Variants in AKT3 observed in about 807,000 individuals in gnomAD.
The protein encoded by AKT3 is RAC-gamma serine/threonine-protein kinase.
In AKT3, 15 loss-of-function variants were observed where a neutral mutation model predicts 65.3. The ratio of observed to expected loss-of-function variants is 0.23; its 90% confidence interval spans 0.15 to 0.35. The LOEUF (loss-of-function observed/expected upper bound fraction) is 0.35, where lower values mean the gene tolerates loss of function less well. AKT3 is among the 10% of genes least tolerant of loss of function. AKT3 has a pLI of 1.00. For missense variants in AKT3, 243 were observed against 576.5 expected (o/e 0.42, Z 5.92); for synonymous variants, 206 against 183.8 (o/e 1.12, Z -0.98).
At chr1:243,499,603 CA>C, downstream of AKT3, 1 of 705,440 alleles carries the variant, frequency 1.4e-6, no homozygotes. Flanking sequence ...AGATGAGGCA[CA>C]AACTTTTCAT....
At chr1:243,715,804 G>GA (rs1031452985) in intron 2 of AKT3, among the ~76,000 whole-genome samples, 9 of 151,294 alleles carry the variant, frequency 5.9e-5, no homozygotes, top group African/African-American at 1.9e-4. Context: ...TCTTAGTGGA[G>GA]AAAAAAAAAT....
intron 2 of AKT3, among the ~76,000 whole-genome samples, chr1:243,707,402 G>A (rs1198630877): frequency 6.6e-6 from 1 of 152,040 alleles, no homozygotes; most frequent in African/African-American, 2.4e-5. Flanking sequence ...TGTCGCTTAT[G>A]TTTAACTCAT....
chr1:243,718,449 CTGTTT>C lies in AKT3; in HGVS notation c.47-22738_47-22734del, dbSNP rs200678273. 6.6e-5 allele frequency among the ~76,000 whole-genome samples: 10 copies of C among 151,864 alleles called. No individual in the cohort carries two copies. The East Asian group carries it at 9.7e-4, about 15-fold the overall frequency. On this transcript the variant is annotated intron_variant, in intron 2 of 13. Coordinates refer to ENST00000673466, the MANE Select transcript of AKT3 (RefSeq NM_005465.7). ...AAGCCACAAACATTTTACCTATCTA[CTGTTT>C]TGTTTTGTTTTTTTTCAGACAGTCT...
At position 243,653,381 on chromosome 1, in the gene AKT3, G is replaced by GA. The variant is rs546919521; in HGVS notation, c.285-7345dup. ...AGCCTACCAACCACAAAAAGTCCAG[G>GA]ACCAGATGGATTCACAGCTGAATTC... On this transcript the variant is annotated intron_variant, in intron 4 of 13. Transcript: ENST00000673466. Among the ~76,000 whole-genome samples, 500 of 152,244 alleles carry GA rather than the reference G, an allele frequency of 3.3e-3. 4 individuals carry two copies. The highest frequency in any genetic ancestry group is 0.012 in the African/African-American group (495 of 41,548).
chr1:243,705,581 C>G (rs987912399), intron 2 of AKT3, among the ~76,000 whole-genome samples: 2 of 152,006 alleles, frequency 1.3e-5, no homozygotes, highest in African/African-American at 2.4e-5. Context: ...AGTTACAGTA[C>G]CCAGTTTTAC....
intron 2 of AKT3, among the ~76,000 whole-genome samples, chr1:243,829,690 G>C (rs1421185587): frequency 6.6e-6 from 1 of 152,102 alleles, no homozygotes; most frequent in Non-Finnish European, 1.5e-5. Context: ...GCAAAAACTA[G>C]AAAGAGTAAC....
At chr1:243,850,353 G>T (rs1695726047), upstream of AKT3, among the ~76,000 whole-genome samples, 1 of 151,174 alleles carries the variant, frequency 6.6e-6, no homozygotes, top group Non-Finnish European at 1.5e-5. Flanking sequence ...GCGGCGGCGG[G>T]GAGAGGAGGA....
chr1:243,508,785 C>T (rs1028812961), intron 13 of AKT3, among the ~76,000 whole-genome samples: 1 of 151,718 alleles, frequency 6.6e-6, no homozygotes, highest in Non-Finnish European at 1.5e-5. Context: ...CCTGCCTCAG[C>T]CTCCCGAGTG....
At chr1:243,818,582 A>G (rs1693668862) in intron 2 of AKT3, among the ~76,000 whole-genome samples, 1 of 152,216 alleles carries the variant, frequency 6.6e-6, no homozygotes, top group South Asian at 2.1e-4. Flanking sequence ...TAAATATAGT[A>G]TCTCTAACTG....
rs368355857 is a variant in AKT3, at chr1:243,664,426, G to C, written c.284+346C>G. Among the ~76,000 whole-genome samples the C allele has an allele frequency of 1.5e-4, 22 of 151,432 alleles. No individual in the cohort carries two copies. The East Asian group carries it at 4.1e-3, about 28-fold the overall frequency. Reference sequence around the variant, plus strand: ...TCACCTTGTCAGCCAGGATAGTCTCGATCTCCTGACCTTGTGATCCACCTG... The same window carrying C: ...TCACCTTGTCAGCCAGGATAGTCTCCATCTCCTGACCTTGTGATCCACCTG... On this transcript the variant is annotated intron_variant, in intron 4 of 13. Transcript: ENST00000673466.
At position 243,703,169 on chromosome 1, in the gene AKT3, AAAG is replaced by A. The variant is rs1489823732; in HGVS notation, c.47-7456_47-7454del. The A allele has an allele frequency of 3.8e-4, 58 of 152,320 alleles. 1 individual carries two copies. The highest frequency in any genetic ancestry group is 1.3e-3 in the African/African-American group (54 of 41,580). 9.4% of individuals were successfully genotyped at this position (152,320 alleles called of 1,614,324 possible). A position where few individuals can be genotyped will look rare whatever the true frequency, so the allele number is the denominator to read the frequency against. On this transcript the variant is annotated intron_variant, in intron 2 of 13. Transcript: ENST00000673466. The stretch of plus-strand genomic sequence containing the variant: ...CAAATTTTCACATATGAACTACCTA[AAAG>A]AATATGGCAAAATCTTTTCTACTAA...
At chr1:243,695,402 T>C (rs1027606974) in intron 3 of AKT3, among the ~76,000 whole-genome samples, 189 bp downstream of exon 3, 1 of 151,962 alleles carries the variant, frequency 6.6e-6, no homozygotes, top group Non-Finnish European at 1.5e-5. Context: ...CTCTATTGCA[T>C]TGTATAAGAC....
At chr1:243,649,668 G>C (rs1046243506) in intron 4 of AKT3, among the ~76,000 whole-genome samples, 5 of 152,126 alleles carry the variant, frequency 3.3e-5, no homozygotes, top group African/African-American at 1.2e-4. Flanking sequence ...GGGATGTTTG[G>C]TTTTCTATTC....
rs749347952 is a variant in AKT3, at chr1:243,505,304, T to C, written c.1385A>G (p.Asn462Ser). ...TTGAGGGAAATGCGGCCGCCTCTCA[T>C]TGTCCATGCAGTCCATACCATCCTC... ...YDEDGMDCMDNERRPHFPQFS... is the reference protein window; with the variant it reads ...YDEDGMDCMDSERRPHFPQFS... The change falls in exon 14 of 14, where the codon AAT becomes AGT. Residue 462 changes from asparagine to serine, a missense_variant. Physicochemically the swap from Asn to Ser is conservative, Grantham distance 46 (BLOSUM62 1). This residue lies in a region of AKT3 where 57 missense variants were observed against 107.6 expected (regional missense o/e 0.53). Coordinates refer to ENST00000673466, the MANE Select transcript of AKT3 (RefSeq NM_005465.7). 6.2e-7 allele frequency: 1 copy of C among 1,614,182 alleles called. No individual in the cohort carries two copies. Among genetic ancestry groups the C allele is most frequent in the Non-Finnish European group, 8.5e-7 (1 of 1,180,022 alleles).
intron 12 of AKT3, among the ~76,000 whole-genome samples, chr1:243,514,185 C>T (rs1670198094): frequency 6.6e-6 from 1 of 152,120 alleles, no homozygotes; most frequent in African/African-American, 2.4e-5. Context: ...TGGCTGGAAT[C>T]GGCTTCTCTT....
At position 243,812,165 on chromosome 1, in the gene AKT3, A is replaced by G. The variant is rs189248186; in HGVS notation, c.46+30960T>C. On this transcript the variant is annotated intron_variant, in intron 2 of 13. Transcript: ENST00000673466. ...AGCAATGGCAACAAAAGCCAAAATT[A>G]ACAAATGGGATCTAATTAAACTAAA... Among the ~76,000 whole-genome samples, 1,304 of 152,274 alleles carry G rather than the reference A, an allele frequency of 8.6e-3. 15 individuals are homozygous for G. The highest frequency in any genetic ancestry group is 0.03 in the African/African-American group (1,238 of 41,572).
At chr1:243,539,968 A>G (rs1026290953) in intron 12 of AKT3, among the ~76,000 whole-genome samples, 1 of 152,156 alleles carries the variant, frequency 6.6e-6, no homozygotes, top group East Asian at 1.9e-4. Context: ...AACAAAGACA[A>G]AACTCCAGGT....
At chr1:243,600,849 TC>T (rs1676953374) in intron 8 of AKT3, among the ~76,000 whole-genome samples, 1 of 152,080 alleles carries the variant, frequency 6.6e-6, no homozygotes, top group African/African-American at 2.4e-5. Context: ...GAGAAAATAA[TC>T]AATGAATTGT....
chr1:243,766,564 G>C (rs1689839107), intron 2 of AKT3, among the ~76,000 whole-genome samples: 1 of 152,144 alleles, frequency 6.6e-6, no homozygotes, highest in African/African-American at 2.4e-5. Context: ...AATGTCTCAT[G>C]TTCTATGGCA....
Sources: gnomAD v4.1 joint callset for allele counts (sites outside exome capture counted in the v4.1 genomes callset) on GRCh38, gnomAD v4.1.1 for gene constraint, gnomAD v4.1.1 regional missense constraint, MANE v1.5 for transcripts, NCBI Gene and HGNC (gene_info 2026-07-23, HGNC 2026-07-21) for gene names.